EMC2: variants seen among roughly 807,000 people sequenced by gnomAD.
EMC2 encodes the protein ER membrane protein complex subunit 2.
In EMC2, 37 loss-of-function variants were observed where a neutral mutation model predicts 51.6. The ratio of observed to expected loss-of-function variants is 0.72; its 90% CI spans 0.55 to 0.94. The LOEUF is 0.94. EMC2 is among the 40% of genes least tolerant of loss of function. The pLI is 0.00. For missense variants in EMC2, 359 were observed against 350.9 expected (o/e 1.02, Z -0.18); for synonymous variants, 131 against 112.4 (o/e 1.17, Z -1.04).
chr8:108,472,975 TG>T (rs757191175), intron 7 of EMC2, among the ~76,000 whole-genome samples: 4 of 151,942 alleles, frequency 2.6e-5, no homozygotes, highest in Non-Finnish European at 5.9e-5. Context: ...CAGCCTTTTG[TG>T]TAGCTGGCAC....
chr8:108,469,539 T>G (rs1810808833), intron 5 of EMC2, among the ~76,000 whole-genome samples: 1 of 152,184 alleles, frequency 6.6e-6, no homozygotes, highest in African/African-American at 2.4e-5. Context: ...GGATAAAGAT[T>G]AAGATTCCCT....
intron 5 of EMC2, among the ~76,000 whole-genome samples, chr8:108,468,923 A>G (rs749114751): frequency 6.6e-6 from 1 of 152,100 alleles, no homozygotes; most frequent in Non-Finnish European, 1.5e-5. Flanking sequence ...CAGTTTCCAT[A>G]AATAACTTCC....
At position 108,489,017 on chromosome 8, in the gene EMC2, A is replaced by C. The variant is rs1811193141; in HGVS notation, c.*2419A>C. 6.6e-6 allele frequency among the ~76,000 whole-genome samples: 1 copy of C among 152,150 alleles called. No homozygotes were observed. The highest frequency in any genetic ancestry group is 1.5e-5 in the Non-Finnish European group (1 of 68,034). ...TGCCTAAAGGTGCAGCTGCCATCAA[A>C]CAACCATGAAACAGCAAATGTGAGA... On this transcript the variant is annotated 3_prime_UTR_variant, in exon 11 of 11. Coordinates refer to ENST00000220853, the MANE Select transcript of EMC2 (RefSeq NM_014673.5).
intron 5 of EMC2, among the ~76,000 whole-genome samples, chr8:108,465,636 C>T (rs1819448675): frequency 6.6e-6 from 1 of 152,122 alleles, no homozygotes; most frequent in African/African-American, 2.4e-5. Flanking sequence ...TTCTTCAGAA[C>T]TATTGTTGCA....
At position 108,488,327 on chromosome 8, in the gene EMC2, A is replaced by G. The variant is rs1385502197; in HGVS notation, c.*1729A>G. Among the ~76,000 whole-genome samples, 3 of 151,556 alleles carry G rather than the reference A, an allele frequency of 2.0e-5. No homozygotes were observed. On this transcript the variant is annotated 3_prime_UTR_variant, in exon 11 of 11. Coordinates refer to ENST00000220853, the MANE Select transcript of EMC2 (RefSeq NM_014673.5). ...AGGCATGTGCCACCATGCCTGGCTA[A>G]TTTTGTATTTTTAGTAGAGATGGGG...
At position 108,488,600 on chromosome 8, in the gene EMC2, G is replaced by A. The variant is rs1358646240; in HGVS notation, c.*2002G>A. Among the ~76,000 whole-genome samples the A allele has an allele frequency of 6.6e-6, 1 of 152,170 alleles. No individual in the cohort carries two copies. Among genetic ancestry groups the A allele is most frequent in the East Asian group, 1.9e-4 (1 of 5,196 alleles). ...CCATTACAGCAGGCAGTTGCCTACAGCTATTACCTTTATTTCTTCTTTAGC... is the reference window on the plus strand; with the variant it reads ...CCATTACAGCAGGCAGTTGCCTACAACTATTACCTTTATTTCTTCTTTAGC... On this transcript the variant is annotated 3_prime_UTR_variant, in exon 11 of 11. Transcript: ENST00000220853.
In EMC2 at chr8:108,443,633, C is replaced by A. The variant is rs557057963; in HGVS notation, c.-26C>A. ...GTGACTGCGTCTCCCCGCCCTCTCA[C>A]CCCGCTGCCTCTAGGTTCTGGGAAG... On this transcript the variant is annotated 5_prime_UTR_variant, in exon 1 of 11. Coordinates refer to ENST00000220853, the MANE Select transcript of EMC2 (RefSeq NM_014673.5). 2 of 1,601,470 alleles carry A rather than the reference C, an allele frequency of 1.2e-6. No homozygotes were observed. The highest frequency in any genetic ancestry group is 1.3e-5 in the African/African-American group (1 of 74,656).
intron 7 of EMC2, among the ~76,000 whole-genome samples, chr8:108,473,057 T>C (rs1351421708): frequency 1.3e-5 from 2 of 152,028 alleles, no homozygotes; most frequent in African/African-American, 4.8e-5. Context: ...ATAATTTTCA[T>C]ATAGCCCTAT....
chr8:108,456,625 G>C (rs1402659605), intron 5 of EMC2, among the ~76,000 whole-genome samples: 1 of 152,050 alleles, frequency 6.6e-6, no homozygotes, highest in South Asian at 2.1e-4. Flanking sequence ...GTGTAATTTT[G>C]AACAAGTATA....
intron 2 of EMC2, 21 bp from the exon 3 acceptor site, chr8:108,450,407 T>C (rs1179759199): frequency 2.7e-6 from 4 of 1,491,050 alleles, no homozygotes; most frequent in East Asian, 4.5e-5. Flanking sequence ...TCAGTTTTTT[T>C]CCCCCTTTAT....
In EMC2 at chr8:108,479,136, A is replaced by G. The variant is rs756000399; in HGVS notation, c.807+26A>G. 7 of 1,320,418 alleles carry G rather than the reference A, an allele frequency of 5.3e-6. 1 individual carries two copies. In the South Asian group the frequency reaches 8.9e-5, roughly 17 times the overall value. The allele number at this position is 1,320,418 out of a possible 1,614,324, so 81.8% of individuals were successfully genotyped here. A position where few individuals can be genotyped will look rare whatever the true frequency, so the allele number is the denominator to read the frequency against. Reference sequence around the variant, plus strand: ...GTTAGTATTTATTGATCATTTTGCTATGTAGGTCAGTTAATGTATTTCTTA... The same window carrying G: ...GTTAGTATTTATTGATCATTTTGCTGTGTAGGTCAGTTAATGTATTTCTTA... On this transcript the variant is annotated intron_variant, in intron 10 of 10. Transcript: ENST00000220853.
intron 7 of EMC2, among the ~76,000 whole-genome samples, chr8:108,472,937 C>T (rs967601033): frequency 1.3e-5 from 2 of 151,860 alleles, no homozygotes; most frequent in Non-Finnish European, 2.9e-5. Context: ...TAGACTTGAG[C>T]TCCTGGGCTA....
chr8:108,447,659 A>AT (rs1205722454), intron 1 of EMC2, among the ~76,000 whole-genome samples: 1 of 152,114 alleles, frequency 6.6e-6, no homozygotes, highest in Non-Finnish European at 1.5e-5. Context: ...GCAAGTTGTC[A>AT]TGGAAGGAAT....
chr8:108,481,063 T>C (rs1277489831), intron 10 of EMC2, among the ~76,000 whole-genome samples: 8 of 152,128 alleles, frequency 5.3e-5, no homozygotes, highest in Admixed American at 5.2e-4. Context: ...GTTGTTAATC[T>C]TTTGTTGGTC....
At chr8:108,449,766 A>G (rs1818970649) in intron 1 of EMC2, 57 bp from the exon 2 acceptor site, 1 of 699,874 alleles carries the variant, frequency 1.4e-6, no homozygotes, top group Non-Finnish European at 2.4e-6. Context: ...CATCTATCGG[A>G]TGTGTATGTG....
chr8:108,483,484 A>G (rs1811082746), intron 10 of EMC2, among the ~76,000 whole-genome samples: 1 of 152,206 alleles, frequency 6.6e-6, no homozygotes, highest in South Asian at 2.1e-4. Context: ...AAATGAGTTC[A>G]TAGGTTATGT....
intron 5 of EMC2, among the ~76,000 whole-genome samples, chr8:108,456,462 A>T (rs1445345762): frequency 6.6e-6 from 1 of 151,640 alleles, no homozygotes; most frequent in Non-Finnish European, 1.5e-5. Flanking sequence ...TGAAATACTG[A>T]ATTGTTTAAT....
chr8:108,453,379 T>C (rs946323992), intron 4 of EMC2, among the ~76,000 whole-genome samples: 2 of 152,170 alleles, frequency 1.3e-5, no homozygotes, highest in African/African-American at 2.4e-5. Context: ...AAAAATTGCG[T>C]TATTTTACCT....
intron 4 of EMC2, among the ~76,000 whole-genome samples, chr8:108,453,737 ATAAT>A (rs1819087915): frequency 6.6e-6 from 1 of 152,064 alleles, no homozygotes; most frequent in Admixed American, 6.6e-5. Flanking sequence ...GTACTTCTAG[ATAAT>A]TGATTGTGCT....
Sources: allele counts gnomAD v4.1 joint callset (sites outside exome capture counted in the v4.1 genomes callset), GRCh38; gene constraint gnomAD v4.1.1; transcripts MANE v1.5; gene names NCBI Gene and HGNC (gene_info 2026-07-23, HGNC 2026-07-21).